The following TRAPPC9 variants were observed in gnomAD, a reference collection of about 807,000 sequenced individuals.
The protein encoded by TRAPPC9 is trafficking protein particle complex subunit 9.
A neutral mutation model predicts 124.0 loss-of-function variants in TRAPPC9; 83 were observed. The observed-to-expected ratio is 0.67, with a 90% CI of 0.56 to 0.80. The LOEUF (loss-of-function observed/expected upper bound fraction) is 0.80, where lower values mean the gene tolerates loss of function less well. Among genes scored for constraint, TRAPPC9 ranks in the 30% least tolerant of loss-of-function variants. TRAPPC9 has a pLI of 0.00. For missense variants in TRAPPC9, 1,302 were observed against 1,508.3 expected, an observed-to-expected ratio of 0.86 and a Z score of 2.27; for synonymous variants, 638 against 617.5, an observed-to-expected ratio of 1.03 and a Z score of -0.49.
intron 9 of TRAPPC9, among the ~76,000 whole-genome samples, chr8:140,315,591 T>C (rs114944488): frequency 1.1e-3 from 174 of 152,288 alleles, no homozygotes; most frequent in African/African-American, 4.0e-3. Context: ...TTCACCTTTC[T>C]AAAAAAATCC....
chr8:140,019,361 T>C (rs1335268248), intron 18 of TRAPPC9, among the ~76,000 whole-genome samples: 1 of 152,124 alleles, frequency 6.6e-6, no homozygotes, highest in Non-Finnish European at 1.5e-5. Flanking sequence ...TCTGAAAAAG[T>C]TTTTGTAAAG....
intron 21 of TRAPPC9, among the ~76,000 whole-genome samples, chr8:139,879,080 A>T (rs904030693): frequency 9.2e-5 from 14 of 152,220 alleles, no homozygotes; most frequent in African/African-American, 3.4e-4. Context: ...CTGCCAGGGA[A>T]CGAGGGCCCA....
At chr8:140,262,676 A>T (rs1355956186) in intron 15 of TRAPPC9, 2 of 151,220 alleles carry the variant, frequency 1.3e-5, no homozygotes, top group East Asian at 3.9e-4. Flanking sequence ...TTCAGTGCAC[A>T]TGTCTGCCTC....
rs775807039 is a variant in TRAPPC9, at chr8:140,009,403, T to C, written c.2699+14534A>G. Among the ~76,000 whole-genome samples the C allele has an allele frequency of 3.3e-5, 5 of 152,246 alleles. No individual in the cohort carries two copies. The East Asian group carries it at 9.6e-4, about 29-fold the overall frequency. ...AATCATGTATATGATTTAAATGATC[T>C]AAATAAAAAATAGTGAAAAATATTT... On this transcript the variant is annotated intron_variant, in intron 18 of 22. Transcript: ENST00000438773.
At position 140,439,215 on chromosome 8, in the gene TRAPPC9, A is replaced by C. The variant is rs773756012; in HGVS notation, c.585-18T>G. On this transcript the variant is annotated intron_variant, in intron 2 of 22. Coordinates refer to ENST00000438773, the MANE Select transcript of TRAPPC9 (RefSeq NM_001160372.4). ...TGTAATGTCTAGAAAATACATGAAA[A>C]TGTATCTTTATTACTATACAACTCC... 2 of 1,613,656 alleles carry C rather than the reference A, an allele frequency of 1.2e-6. No individual in the cohort carries two copies. The highest frequency in any genetic ancestry group is 8.5e-7 in the Non-Finnish European group (1 of 1,179,876).
intron 21 of TRAPPC9, among the ~76,000 whole-genome samples, chr8:139,856,321 G>A (rs1475067080): frequency 6.6e-6 from 1 of 151,474 alleles, no homozygotes; most frequent in Non-Finnish European, 1.5e-5. Flanking sequence ...AACCACCTCA[G>A]GGTCAAGGCC....
At chr8:140,179,305 A>C (rs1428567928) in intron 17 of TRAPPC9, among the ~76,000 whole-genome samples, 1 of 152,102 alleles carries the variant, frequency 6.6e-6, no homozygotes, top group South Asian at 2.1e-4. Context: ...ATGTTTTCAA[A>C]TTACCCTGTG....
intron 17 of TRAPPC9, among the ~76,000 whole-genome samples, chr8:140,028,543 C>A (rs928540565): frequency 2.0e-5 from 3 of 152,214 alleles, no homozygotes; most frequent in African/African-American, 4.8e-5. Context: ...CAGGCAGGAA[C>A]TGAATGCAGA....
At chr8:140,296,305 C>T (rs1001537574) in intron 11 of TRAPPC9, among the ~76,000 whole-genome samples, 1 of 152,204 alleles carries the variant, frequency 6.6e-6, no homozygotes, top group African/African-American at 2.4e-5. Flanking sequence ...TGCTCTGTCA[C>T]CCAGGCTGGA....
At chr8:139,834,384 G>C (rs1826188704) in intron 21 of TRAPPC9, among the ~76,000 whole-genome samples, 1 of 152,250 alleles carries the variant, frequency 6.6e-6, no homozygotes. Context: ...CAGTGAGTCT[G>C]ACATTCCTAA....
rs142865027 is a variant in TRAPPC9, at chr8:140,291,196, G to A, written c.1769-118C>T. The A allele has an allele frequency of 3.3e-6, 3 of 917,214 alleles. No homozygotes were observed. In the African/African-American group the frequency reaches 4.9e-5, roughly 15 times the overall value. The allele number at this position is 917,214 out of a possible 1,614,324, so 56.8% of individuals were successfully genotyped here. A position where few individuals can be genotyped will look rare whatever the true frequency, so the allele number is the denominator to read the frequency against. Reference sequence around the variant, plus strand: ...TTCTCAGTGAGGCAGCAGGCTCTATGATCTTCTTGAGATGGGTGATTCAAA... The same window carrying A: ...TTCTCAGTGAGGCAGCAGGCTCTATAATCTTCTTGAGATGGGTGATTCAAA... On this transcript the variant is annotated intron_variant, in intron 11 of 22. Coordinates refer to ENST00000438773, the MANE Select transcript of TRAPPC9 (RefSeq NM_001160372.4).
chr8:140,438,494 T>C (rs1467490410), intron 3 of TRAPPC9, among the ~76,000 whole-genome samples: 1 of 152,074 alleles, frequency 6.6e-6, no homozygotes, highest in African/African-American at 2.4e-5. Flanking sequence ...CAAGGTATAC[T>C]AAGAACAGAG....
chr8:140,393,565 T>C (rs984716796), intron 7 of TRAPPC9, among the ~76,000 whole-genome samples: 11 of 152,200 alleles, frequency 7.2e-5, no homozygotes, highest in African/African-American at 2.7e-4. Flanking sequence ...CAGCAGTGAA[T>C]TCCGTAAAAC....
intron 19 of TRAPPC9, among the ~76,000 whole-genome samples, chr8:139,926,612 A>AT (rs1425924134): frequency 6.6e-6 from 1 of 151,248 alleles, no homozygotes; most frequent in Non-Finnish European, 1.5e-5. Context: ...TAAAATAAAA[A>AT]AAAAAAAAAA....
intron 21 of TRAPPC9, among the ~76,000 whole-genome samples, chr8:139,876,988 G>T (rs1050618201): frequency 2.5e-4 from 38 of 152,202 alleles, no homozygotes; most frequent in African/African-American, 9.2e-4. Context: ...CTGCCTCCCA[G>T]GCTGGTGTTG....
chr8:140,189,198 G>A lies in TRAPPC9; in HGVS notation c.2556+32261C>T, dbSNP rs1022836524. On this transcript the variant is annotated intron_variant, in intron 17 of 22. Coordinates refer to ENST00000438773, the MANE Select transcript of TRAPPC9 (RefSeq NM_001160372.4). ...TCCTAAGTGGCCTAACACATGCCTGGCATATATTTGCTGAAAGAATGCTGG... is the reference window on the plus strand; with the variant it reads ...TCCTAAGTGGCCTAACACATGCCTGACATATATTTGCTGAAAGAATGCTGG... Among the ~76,000 whole-genome samples the A allele has an allele frequency of 3.3e-5, 5 of 152,146 alleles. No individual in the cohort carries two copies. In the East Asian group the frequency reaches 9.6e-4, roughly 29 times the overall value.
chr8:139,952,058 T>C (rs943226491), intron 19 of TRAPPC9, among the ~76,000 whole-genome samples: 3 of 152,166 alleles, frequency 2.0e-5, no homozygotes, highest in Non-Finnish European at 2.9e-5. Flanking sequence ...GAAATAATCA[T>C]CTCCTCAAGC....
chr8:140,361,767 A>G (rs549180134), intron 8 of TRAPPC9, among the ~76,000 whole-genome samples: 70 of 152,090 alleles, frequency 4.6e-4, no homozygotes, highest in Non-Finnish European at 8.5e-4. Flanking sequence ...TTCAGGTATG[A>G]CTTCCTGTAC....
intron 19 of TRAPPC9, among the ~76,000 whole-genome samples, chr8:139,971,766 T>C (rs2319581): frequency 3.1e-4 from 18 of 57,868 alleles, no homozygotes; most frequent in African/African-American, 9.8e-4. Flanking sequence ...CACACACACA[T>C]ATATATATAC....
Sources: allele counts gnomAD v4.1 joint callset (sites outside exome capture counted in the v4.1 genomes callset), GRCh38; gene constraint gnomAD v4.1.1; transcripts MANE v1.5; gene names NCBI Gene and HGNC (gene_info 2026-07-23, HGNC 2026-07-21).